The following SCAF11 variants were observed in gnomAD, a reference collection of about 807,000 sequenced individuals.
SCAF11 encodes SR-related CTD associated factor 11.
A neutral mutation model predicts 140.5 loss-of-function variants in SCAF11; 47 were observed. The ratio of observed to expected loss-of-function variants is 0.33; its 90% CI spans 0.26 to 0.43. SCAF11 has a LOEUF of 0.43. Among genes scored for constraint, SCAF11 ranks in the 20% least tolerant of loss-of-function variants. SCAF11 has a pLI of 1.00. For synonymous variants in SCAF11, 557 were observed against 579.4 expected (o/e 0.96, Z 0.55); for missense variants, 1,645 against 1,705.1 (o/e 0.96, Z 0.62).
chr12:45,928,280 G>C lies in SCAF11; in HGVS notation c.1421C>G (p.Ser474Cys). 1 of 1,613,926 alleles carries C rather than the reference G, an allele frequency of 6.2e-7. No homozygotes were observed. ...AAGATCTTGAGCACAAGACTCAGAA[G>C]ATGAAGATCCTACTCTTTCCTCTGT... ...YDTEERVGSS[S>C]SESCAQDLPV... is the part of the protein sequence containing the mutation. Residue 474 changes from serine to cysteine, a missense_variant, in exon 11 of 15, where the codon TCT becomes TGT. By Grantham distance (112) the Ser-to-Cys change is moderately radical (BLOSUM62 -1). Around this residue, in one of 2 missense-constraint regions of SCAF11, gnomAD observed 1,582 missense variants for 1,609.2 expected, o/e 0.98. Transcript: ENST00000369367.
intron 5 of SCAF11, among the ~76,000 whole-genome samples, chr12:45,947,486 C>A (rs1008844238): frequency 6.6e-6 from 1 of 152,080 alleles, no homozygotes; most frequent in African/African-American, 2.4e-5. Context: ...GAAAGCAGTA[C>A]GTGAAGGTTA....
chr12:45,990,084 G>A (rs1592235804), intron 1 of SCAF11, among the ~76,000 whole-genome samples: 3 of 152,094 alleles, frequency 2.0e-5, no homozygotes, highest in African/African-American at 7.2e-5. Context: ...GCGACAGAGA[G>A]GCGGCGGCGG....
In SCAF11 at chr12:45,948,359, A is replaced by AT. The variant is rs150664474; in HGVS notation, c.398+77dup. ...ATTAAATACATTTAAACCCCACTTC[A>AT]TTTTTTTAATACCTTTTTTGTACTA... On this transcript the variant is annotated intron_variant, in intron 5 of 14. Coordinates refer to ENST00000369367, the MANE Select transcript of SCAF11 (RefSeq NM_004719.3). 4.9e-3 allele frequency: 4,567 copies of AT among 932,886 alleles called. 95 individuals carry two copies. In the African/African-American group the frequency reaches 0.05, roughly 10 times the overall value. The allele number at this position is 932,886 out of a possible 1,614,324, so 57.8% of individuals were successfully genotyped here.
intron 6 of SCAF11, among the ~76,000 whole-genome samples, chr12:45,940,659 C>T (rs1945273903): frequency 6.6e-6 from 1 of 152,190 alleles, no homozygotes; most frequent in Non-Finnish European, 1.5e-5. Context: ...TAGAAACTTT[C>T]TAACAGATTA....
chr12:45,980,556 T>A (rs890025516), intron 1 of SCAF11, among the ~76,000 whole-genome samples: 5 of 152,192 alleles, frequency 3.3e-5, no homozygotes, highest in African/African-American at 1.2e-4. Context: ...GAAATTCAGA[T>A]AATCAGGCTC....
intron 11 of SCAF11, among the ~76,000 whole-genome samples, chr12:45,925,571 C>T (rs1565656920): frequency 6.6e-6 from 1 of 151,762 alleles, no homozygotes; most frequent in Non-Finnish European, 1.5e-5. Flanking sequence ...CGAACATTCA[C>T]CTGAAAATAT....
intron 1 of SCAF11, among the ~76,000 whole-genome samples, chr12:45,983,786 A>ACAC (rs1555172663): frequency 8.2e-4 from 39 of 47,460 alleles, no homozygotes; most frequent in Non-Finnish European, 2.2e-3. Flanking sequence ...CACACACACA[A>ACAC]AGACTGAACT....
chr12:45,938,773 A>G (rs1241581048), intron 6 of SCAF11, among the ~76,000 whole-genome samples: 2 of 150,904 alleles, frequency 1.3e-5, no homozygotes, highest in African/African-American at 4.9e-5. Context: ...CAGGCATCCA[A>G]TTAAAGTCTG....
intron 10 of SCAF11, chr12:45,930,005 TTA>T (rs1277764290): frequency 6.6e-6 from 1 of 152,218 alleles, no homozygotes. Context: ...AATATATTTT[TTA>T]TGTTATGTGT....
chr12:45,941,242 C>A (rs1234002152), intron 6 of SCAF11, among the ~76,000 whole-genome samples: 1 of 152,086 alleles, frequency 6.6e-6, no homozygotes, highest in Admixed American at 6.6e-5. Flanking sequence ...GTCGTAGACA[C>A]CTTACTTATC....
At chr12:45,925,739 GA>G (rs939301223) in intron 11 of SCAF11, among the ~76,000 whole-genome samples, 7 of 150,812 alleles carry the variant, frequency 4.6e-5, no homozygotes, top group African/African-American at 1.5e-4. Flanking sequence ...TTCTTAACAA[GA>G]AAAAAAACAA....
Position 45,951,665 on chromosome 12 carries a change from C to T in SCAF11, c.282G>A (p.Leu94=), listed in dbSNP as rs1945552575. 2 of 1,587,520 alleles carry T rather than the reference C, an allele frequency of 1.3e-6. No individual in the cohort carries two copies. Among genetic ancestry groups the T allele is most frequent in the Non-Finnish European group, 1.7e-6 (2 of 1,163,536 alleles). ...AAAGACTTACCTTAACATAACCTTC[C>T]AATGCACTGAATTTAAACACTGCCT... ...PFQAVFKFSA[L]EGYVKVQVKK... The change falls in exon 4 of 15, where the codon TTG becomes TTA. Residue 94 remains leucine, a synonymous_variant. Coordinates refer to ENST00000369367, the MANE Select transcript of SCAF11 (RefSeq NM_004719.3).
intron 1 of SCAF11, among the ~76,000 whole-genome samples, chr12:45,987,786 A>G (rs927531944): frequency 1.3e-5 from 2 of 152,204 alleles, no homozygotes; most frequent in Non-Finnish European, 2.9e-5. Context: ...AAGAAGTTAC[A>G]TGACCTGACA....
At position 45,928,011 on chromosome 12, in the gene SCAF11, C is replaced by T. The variant is rs1449287298; in HGVS notation, c.1690G>A (p.Val564Ile). The T allele has an allele frequency of 2.5e-6, 4 of 1,613,178 alleles. No homozygotes were observed. The East Asian group carries it at 6.7e-5, about 27-fold the overall frequency. ...LTSESKVYQP[V>I]SCPLSDLSEN... ...GATAAGTCACTTAGGGGACAAGATA[C>T]AGGTTGGTACACTTTGCTTTCAGAT... The change falls in exon 11 of 15, where the codon GTA (valine) becomes ATA (isoleucine). Residue 564 changes from valine to isoleucine, a missense_variant. Physicochemically the swap from Val to Ile is conservative, Grantham distance 29 (BLOSUM62 3). Transcript: ENST00000369367.
intron 3 of SCAF11, chr12:45,961,256 G>T: frequency 1.4e-6 from 1 of 708,726 alleles, no homozygotes; most frequent in Non-Finnish European, 2.6e-6. Context: ...GGACACTATC[G>T]TATCTGCTCT....
Position 45,927,932 on chromosome 12 carries a change from A to C in SCAF11, c.1769T>G (p.Val590Gly). ...NEEKITESSL[V>G]EITEHKDFTL... ...AAAATCTTTATGTTCAGTAATTTCT[A>C]CTAGGGAACTCTCTGTTATTTTTTC... is the stretch of plus-strand genomic sequence containing the variant. The change falls in exon 11 of 15, where the codon GTA becomes GGA. Residue 590 changes from valine (V) to glycine (G), a missense_variant. Physicochemically the swap from Val to Gly is moderately radical, Grantham distance 109 (BLOSUM62 -3). Transcript: ENST00000369367. 1 of 1,613,204 alleles carries C rather than the reference A, an allele frequency of 6.2e-7. No homozygotes were observed.
rs778789771 is a variant in SCAF11, at chr12:45,927,052, T to C, written c.2649A>G (p.Pro883=). 5 of 1,614,146 alleles carry C rather than the reference T, an allele frequency of 3.1e-6. No homozygotes were observed. The South Asian group carries it at 4.4e-5, about 14-fold the overall frequency. ...RESRRSESLS[P]RRETSRENKR... ...TGTTCTCTCTAGAAGTTTCTCTTCT[T>C]GGGGACAGTGATTCAGATCTTCTGC... Residue 883 remains proline (P), a synonymous_variant, in exon 11 of 15, where the codon CCA becomes CCG. Transcript: ENST00000369367.
At chr12:45,963,977 C>T in intron 2 of SCAF11, 130 bp downstream of exon 2, 2 of 595,520 alleles carry the variant, frequency 3.4e-6, no homozygotes, top group Non-Finnish European at 5.9e-6. Context: ...TATACTTAGG[C>T]AGCTTATTTT....
Position 45,926,283 on chromosome 12 carries a change from A to G in SCAF11, c.3418T>C (p.Ser1140Pro). Residue 1140 changes from serine (S) to proline (P), a missense_variant, in exon 11 of 15, where the codon TCT (serine) becomes CCT (proline). By Grantham distance (74) the Ser-to-Pro change is moderately conservative. Around this residue, in one of 2 missense-constraint regions of SCAF11, gnomAD observed 1,582 missense variants for 1,609.2 expected, o/e 0.98. Coordinates refer to ENST00000369367, the MANE Select transcript of SCAF11 (RefSeq NM_004719.3). Reference sequence around the variant, plus strand: ...CAGCTGGATGCAGATGTCCATCCAGATCTATCTGCTGGTGTATCAAATGAG... The same window carrying G: ...CAGCTGGATGCAGATGTCCATCCAGGTCTATCTGCTGGTGTATCAAATGAG... ...EFSFDTPADR[S>P]GWTSASSWAV... 1 of 1,614,102 alleles carries G rather than the reference A, an allele frequency of 6.2e-7. No homozygotes were observed. Among genetic ancestry groups the G allele is most frequent in the Non-Finnish European group, 8.5e-7 (1 of 1,180,020 alleles).
Sources: allele counts gnomAD v4.1 joint callset (sites outside exome capture counted in the v4.1 genomes callset), GRCh38; gene constraint gnomAD v4.1.1; regional missense constraint gnomAD v4.1.1; transcripts MANE v1.5; gene names NCBI Gene and HGNC (gene_info 2026-07-23, HGNC 2026-07-21).